Variants in ROBO2 observed in about 807,000 individuals in gnomAD.
ROBO2 encodes roundabout homolog 2.
ROBO2 carries 53 observed loss-of-function variants against 160.8 expected under a neutral mutation model. That is an observed-to-expected ratio of 0.33 (90% CI 0.26 to 0.41). The LOEUF (loss-of-function observed/expected upper bound fraction) is 0.41, where lower values mean the gene tolerates loss of function less well. Ranked by LOEUF, ROBO2 falls within the 10% of genes least tolerant of loss-of-function variation. ROBO2 has a pLI of 1.00. For missense variants in ROBO2, 1,577 were observed against 1,722.4 expected (o/e 0.92, Z 1.49); for synonymous variants, 664 against 611.7 (o/e 1.09, Z -1.26).
At position 76,058,507 on chromosome 3, in the gene ROBO2, C is replaced by A. The variant is rs1431900860; in HGVS notation, c.109+120905C>A. Among the ~76,000 whole-genome samples the A allele has an allele frequency of 2.7e-5, 4 of 150,666 alleles. No individual in the cohort carries two copies. In the East Asian group the frequency reaches 7.8e-4, roughly 29 times the overall value. On this transcript the variant is annotated intron_variant, in intron 2 of 26. Coordinates refer to the ROBO2 transcript ENST00000487694. ...TGTATAGTTATAAAACTCATTGCGA[C>A]CTAATTGATGAAATAGGTAGAGTGA...
At chr3:77,430,827 A>G (rs1019211387) in intron 2 of ROBO2, among the ~76,000 whole-genome samples, 1 of 152,198 alleles carries the variant, frequency 6.6e-6, no homozygotes, top group Admixed American at 6.5e-5. Context: ...AGATATGTGT[A>G]ACACCCTTTG....
intron 6 of ROBO2, among the ~76,000 whole-genome samples, chr3:77,546,065 T>A (rs1237415121): frequency 6.6e-6 from 1 of 152,124 alleles, no homozygotes; most frequent in Admixed American, 6.6e-5. Context: ...TAAAATCATT[T>A]AAAAATCTAA....
intron 2 of ROBO2, among the ~76,000 whole-genome samples, chr3:77,412,136 A>G (rs554163970): frequency 4.1e-5 from 6 of 146,516 alleles, no homozygotes; most frequent in African/African-American, 1.5e-4. Flanking sequence ...TTCTAAAAGT[A>G]CCCCAGGCAG....
intron 5 of ROBO2, among the ~76,000 whole-genome samples, chr3:77,521,503 A>G (rs532739787): frequency 2.6e-5 from 4 of 151,406 alleles, no homozygotes; most frequent in African/African-American, 9.6e-5. Flanking sequence ...CTTCACAATG[A>G]AAGTAGTGGA....
intron 2 of ROBO2, among the ~76,000 whole-genome samples, chr3:76,898,446 A>G (rs563577670): frequency 6.6e-6 from 1 of 152,132 alleles, no homozygotes; most frequent in East Asian, 1.9e-4. Context: ...TATAAATAGC[A>G]AAAACTTTAA....
chr3:77,132,420 T>G (rs2150360498), intron 2 of ROBO2, among the ~76,000 whole-genome samples: 1 of 152,164 alleles, frequency 6.6e-6, no homozygotes, highest in South Asian at 2.1e-4. Flanking sequence ...TTTTATCAGA[T>G]TTAAATTTAT....
At chr3:75,946,880 G>A (rs879370282) in intron 2 of ROBO2, among the ~76,000 whole-genome samples, 1 of 152,038 alleles carries the variant, frequency 6.6e-6, no homozygotes, top group Non-Finnish European at 1.5e-5. Context: ...ATATGATGAG[G>A]TTAGTTACCT....
At chr3:76,728,796 A>G (rs978157228) in intron 2 of ROBO2, among the ~76,000 whole-genome samples, 8 of 152,170 alleles carry the variant, frequency 5.3e-5, no homozygotes, top group South Asian at 2.1e-4. Context: ...AAAATCTATC[A>G]TTTACTGCTA....
At chr3:76,086,659 A>G in intron 2 of ROBO2, among the ~76,000 whole-genome samples, 1 of 152,206 alleles carries the variant, frequency 6.6e-6, no homozygotes, top group East Asian at 1.9e-4. Flanking sequence ...AGGCATACTA[A>G]TATGTAATAA....
rs1560141337 is a variant in ROBO2 at position 76,555,411 on chromosome 3, GAA to G, written c.110-542602_110-542601del. On this transcript the variant is annotated intron_variant, in intron 2 of 26. Transcript: ENST00000487694. ...AGAAGAAGAAGAAGAAGAAGAAGAA[GAA>G]GAAGAAAGAAGGAGAAGGGGAAGGG... Among the ~76,000 whole-genome samples, 198 of 71,954 alleles carry G rather than the reference GAA, an allele frequency of 2.8e-3. 3 individuals are homozygous for G. The highest frequency in any genetic ancestry group is 5.6e-3 in the African/African-American group (193 of 34,452). The allele number at this position is 71,954 out of a possible 152,430, so 47.2% of individuals were successfully genotyped here.
intron 2 of ROBO2, among the ~76,000 whole-genome samples, chr3:76,678,881 C>T (rs765286902): frequency 6.6e-6 from 1 of 152,118 alleles, no homozygotes; most frequent in Non-Finnish European, 1.5e-5. Flanking sequence ...TGGTATTATT[C>T]ATGAGAGCCC....
chr3:77,508,109 G>T (rs1234607511), intron 5 of ROBO2, among the ~76,000 whole-genome samples: 1 of 151,714 alleles, frequency 6.6e-6, no homozygotes, highest in Non-Finnish European at 1.5e-5. Context: ...GAAAGAAGAA[G>T]TACATGATTT....
At chr3:76,284,307 C>T (rs1257888307) in intron 2 of ROBO2, among the ~76,000 whole-genome samples, 2 of 151,924 alleles carry the variant, frequency 1.3e-5, no homozygotes, top group Non-Finnish European at 2.9e-5. Flanking sequence ...GCCTCTTTCA[C>T]CTTTAATTAT....
intron 2 of ROBO2, among the ~76,000 whole-genome samples, chr3:76,269,402 G>A (rs17140614): frequency 0.018 from 2,680 of 151,666 alleles, 77 homozygotes; most frequent in African/African-American, 0.061. Flanking sequence ...GCTTCTTGAC[G>A]TCTCCTTCAA....
chr3:76,639,306 A>G (rs1484507906), intron 2 of ROBO2, among the ~76,000 whole-genome samples: 2 of 150,562 alleles, frequency 1.3e-5, no homozygotes, highest in African/African-American at 5.0e-5. Context: ...ATGTGTGTAT[A>G]TGTATCTATA....
intron 2 of ROBO2, among the ~76,000 whole-genome samples, chr3:76,743,102 G>C (rs1220108691): frequency 6.6e-6 from 1 of 152,052 alleles, no homozygotes; most frequent in Non-Finnish European, 1.5e-5. Flanking sequence ...TTATGAACAA[G>C]GCCAAAAATA....
chr3:77,003,238 A>ATC (rs2061417805), intron 2 of ROBO2, among the ~76,000 whole-genome samples: 2 of 152,218 alleles, frequency 1.3e-5, no homozygotes, highest in South Asian at 4.1e-4. Flanking sequence ...CATACTTGAT[A>ATC]ATTACTGTCC....
At chr3:75,915,986 A>G (rs1281768680) in intron 1 of ROBO2, among the ~76,000 whole-genome samples, 1 of 152,204 alleles carries the variant, frequency 6.6e-6, no homozygotes, top group Non-Finnish European at 1.5e-5. Context: ...CTAGATAGAT[A>G]TAGATGATAA....
At chr3:76,518,776 A>G (rs1386380277) in intron 2 of ROBO2, among the ~76,000 whole-genome samples, 1 of 152,168 alleles carries the variant, frequency 6.6e-6, no homozygotes, top group African/African-American at 2.4e-5. Context: ...AAGCGGAAAA[A>G]CAATAAACTT....
Sources: gnomAD v4.1 joint callset for allele counts (sites outside exome capture counted in the v4.1 genomes callset) on GRCh38, gnomAD v4.1.1 for gene constraint, MANE v1.5 for transcripts, NCBI Gene and HGNC (gene_info 2026-07-23, HGNC 2026-07-21) for gene names.